Variants in GARIN2 observed in about 807,000 individuals in gnomAD.
The protein encoded by GARIN2 is golgi associated RAB2 interactor family member 2.
the GARIN2 span, among the ~76,000 whole-genome samples, chr14:67,214,741 A>G: frequency 8.5e-5 from 13 of 152,108 alleles, no homozygotes; most frequent in Admixed American, 1.3e-4. Context: ...CATTGAATCT[A>G]TAAATTACCT....
the GARIN2 span, among the ~76,000 whole-genome samples, chr14:67,192,988 C>A: frequency 1.4e-5 from 2 of 144,520 alleles, no homozygotes; most frequent in Admixed American, 7.0e-5. Flanking sequence ...ATAGATCTCT[C>A]TATATATCTC....
the GARIN2 span, chr14:67,228,296 TTTTG>T: frequency 5.9e-6 from 2 of 341,046 alleles, no homozygotes; most frequent in East Asian, 3.4e-4. Flanking sequence ...ATAAATATAA[TTTTG>T]TTTGTTTCAA....
the GARIN2 span, among the ~76,000 whole-genome samples, chr14:67,195,189 TA>T: frequency 6.6e-6 from 1 of 152,232 alleles, no homozygotes; most frequent in South Asian, 2.1e-4. Flanking sequence ...GCAAAGTTGA[TA>T]AAAGAGCCTG....
the GARIN2 span, chr14:67,205,101 T>C: frequency 6.5e-7 from 1 of 1,542,056 alleles, no homozygotes. Flanking sequence ...TATGTGTCAC[T>C]GAAGACTTTC....
chr14:67,226,024 G>T, the GARIN2 span, among the ~76,000 whole-genome samples: 1 of 151,890 alleles, frequency 6.6e-6, no homozygotes, highest in African/African-American at 2.4e-5. Context: ...AGTATTGAAG[G>T]GGGGAGGTTG....
chr14:67,228,313 A>G, the GARIN2 span: 1 of 440,996 alleles, frequency 2.3e-6, no homozygotes, highest in Non-Finnish European at 3.0e-6. Flanking sequence ...TGTTTCAATC[A>G]TTTATTTTAC....
At chr14:67,205,069 A>G in the GARIN2 span, 3 of 1,550,816 alleles carry the variant, frequency 1.9e-6, no homozygotes, top group Non-Finnish European at 2.6e-6. Flanking sequence ...TGACTTAATC[A>G]GGGCCAAGCA....
At chr14:67,210,587 AAATATTTG>A in the GARIN2 span, among the ~76,000 whole-genome samples, 1 of 152,160 alleles carries the variant, frequency 6.6e-6, no homozygotes, top group Non-Finnish European at 1.5e-5. Flanking sequence ...TAAAAGGAAT[AAATATTTG>A]TTGTAGCTAT....
chr14:67,222,024 T>C, the GARIN2 span: 1 of 555,102 alleles, frequency 1.8e-6, no homozygotes, highest in East Asian at 3.1e-5. Flanking sequence ...GAAAACATTA[T>C]GGTACTTTAC....
At chr14:67,222,176 A>G in the GARIN2 span, among the ~76,000 whole-genome samples, 4 of 152,220 alleles carry the variant, frequency 2.6e-5, no homozygotes, top group African/African-American at 9.6e-5. Context: ...TTGCTGATAT[A>G]TAACGGGAAT....
chr14:67,223,630 T>C, the GARIN2 span: 3 of 737,620 alleles, frequency 4.1e-6, no homozygotes, highest in Non-Finnish European at 5.0e-6. Flanking sequence ...GTGGCACAAC[T>C]TACAAAATGG....
At chr14:67,226,876 G>A in the GARIN2 span, among the ~76,000 whole-genome samples, 1 of 152,120 alleles carries the variant, frequency 6.6e-6, no homozygotes, top group African/African-American at 2.4e-5. Context: ...GTATGGTGTG[G>A]AGACAGCGAT....
At chr14:67,228,442 C>A in the GARIN2 span, 1 of 284,130 alleles carries the variant, frequency 3.5e-6, no homozygotes, top group Non-Finnish European at 5.3e-6. Flanking sequence ...CAGATACAAA[C>A]TACTAAACTA....
chr14:67,207,259 C>T, the GARIN2 span, among the ~76,000 whole-genome samples: 2 of 152,036 alleles, frequency 1.3e-5, no homozygotes, highest in East Asian at 3.9e-4. Flanking sequence ...CTGGCATCTG[C>T]TTCAGGTGAG....
the GARIN2 span, chr14:67,208,358 G>A: frequency 2.5e-6 from 4 of 1,614,036 alleles, no homozygotes; most frequent in East Asian, 2.2e-5. Flanking sequence ...AGTAGAAAGT[G>A]AGGCAAATAC....
chr14:67,210,217 G>A, the GARIN2 span, among the ~76,000 whole-genome samples: 18 of 152,134 alleles, frequency 1.2e-4, no homozygotes, highest in Admixed American at 3.3e-4. Context: ...TGGAAAAATG[G>A]CTAACCAGGA....
the GARIN2 span, among the ~76,000 whole-genome samples, chr14:67,204,320 T>C: frequency 2.6e-5 from 4 of 152,006 alleles, no homozygotes; most frequent in African/African-American, 9.7e-5. Context: ...ATATCTGTTG[T>C]CCCAGCTACT....
chr14:67,222,279 T>C, the GARIN2 span, among the ~76,000 whole-genome samples: 6 of 152,290 alleles, frequency 3.9e-5, 1 homozygote, highest in East Asian at 1.9e-4. Context: ...TACTATTTAA[T>C]GTTTTTGTTT....
the GARIN2 span, chr14:67,198,028 C>A: frequency 9.7e-7 from 1 of 1,029,394 alleles, no homozygotes. Flanking sequence ...CAGTGCCAAG[C>A]ATATCACAGA....
Sources: allele counts gnomAD v4.1 joint callset (sites outside exome capture counted in the v4.1 genomes callset), GRCh38; gene constraint gnomAD v4.1.1; transcripts MANE v1.5; gene names NCBI Gene and HGNC (gene_info 2026-07-23, HGNC 2026-07-21).